CNTNAP2: variants seen among roughly 807,000 people sequenced by gnomAD.
The protein encoded by CNTNAP2 is contactin associated protein 2, also known as contactin-associated protein-like 2.
In CNTNAP2, 98 loss-of-function variants were observed where a neutral mutation model predicts 155.2. That is an observed-to-expected ratio of 0.63 (90% CI 0.54 to 0.75). CNTNAP2 has a LOEUF of 0.75. Among genes scored for constraint, CNTNAP2 ranks in the 30% least tolerant of loss-of-function variants. The probability of loss-of-function intolerance (pLI) is 0.00; values close to 1 mark genes in which losing one functional copy is unlikely to be tolerated. For synonymous variants in CNTNAP2, 651 were observed against 631.2 expected (o/e 1.03, Z -0.47); for missense variants, 1,727 against 1,688.1 (o/e 1.02, Z -0.40).
intron 3 of CNTNAP2, among the ~76,000 whole-genome samples, chr7:146,994,221 T>C (rs1444907619): frequency 6.6e-6 from 1 of 152,140 alleles, no homozygotes; most frequent in Non-Finnish European, 1.5e-5. Context: ...TTAAACAAAT[T>C]CTTTTCTAAT....
chr7:146,909,318 T>G (rs1410156318), intron 3 of CNTNAP2, among the ~76,000 whole-genome samples: 1 of 131,290 alleles, frequency 7.6e-6, no homozygotes, highest in African/African-American at 3.0e-5. Flanking sequence ...CCAGCATCAT[T>G]CTGATACCAA....
chr7:147,733,991 A>G (rs1355946215), intron 13 of CNTNAP2, among the ~76,000 whole-genome samples: 2 of 152,108 alleles, frequency 1.3e-5, no homozygotes, highest in Non-Finnish European at 2.9e-5. Flanking sequence ...TCTTTTCCTA[A>G]TTGAATGCCC....
chr7:147,133,509 A>G (rs767707426), intron 8 of CNTNAP2, among the ~76,000 whole-genome samples: 18 of 151,872 alleles, frequency 1.2e-4, no homozygotes, highest in Non-Finnish European at 2.4e-4. Context: ...CTAACACACT[A>G]TGATTTTTGT....
At chr7:147,974,866 T>A (rs1279823524) in intron 14 of CNTNAP2, among the ~76,000 whole-genome samples, 1 of 151,920 alleles carries the variant, frequency 6.6e-6, no homozygotes. Flanking sequence ...ATAAGAACAT[T>A]CATAGCAGCT....
In CNTNAP2 at chr7:147,979,244, G is replaced by A. The variant is rs557792858; in HGVS notation, c.2383+1255G>A. Reference sequence around the variant, plus strand: ...TGAGACTGGTCAAGATCTTTATCACGCACTTATTGAACAATAATACTTCAT... The same window carrying A: ...TGAGACTGGTCAAGATCTTTATCACACACTTATTGAACAATAATACTTCAT... On this transcript the variant is annotated intron_variant, in intron 15 of 23. Coordinates refer to ENST00000361727, the MANE Select transcript of CNTNAP2 (RefSeq NM_014141.6). 5.3e-5 allele frequency among the ~76,000 whole-genome samples: 8 copies of A among 152,162 alleles called. No homozygotes were observed. The South Asian group carries it at 6.2e-4, about 12-fold the overall frequency.
intron 15 of CNTNAP2, among the ~76,000 whole-genome samples, chr7:148,037,440 T>C (rs1802591599): frequency 6.6e-6 from 1 of 152,230 alleles, no homozygotes; most frequent in Admixed American, 6.5e-5. Flanking sequence ...TCTTGGTTTG[T>C]AATAAATTTT....
At chr7:148,005,863 T>G (rs1271929853) in intron 15 of CNTNAP2, among the ~76,000 whole-genome samples, 1 of 152,164 alleles carries the variant, frequency 6.6e-6, no homozygotes, top group Non-Finnish European at 1.5e-5. Context: ...TTTGATTCAG[T>G]TGCCAATATT....
intron 13 of CNTNAP2, among the ~76,000 whole-genome samples, chr7:147,877,154 G>T (rs10254338): frequency 0.05 from 7,595 of 152,182 alleles, 392 homozygotes; most frequent in East Asian, 0.16. Context: ...GTGTTGTTTG[G>T]CCATGATCAT....
chr7:147,073,989 T>A (rs116367322), intron 4 of CNTNAP2, among the ~76,000 whole-genome samples: 2 of 152,182 alleles, frequency 1.3e-5, no homozygotes, highest in African/African-American at 4.8e-5. Flanking sequence ...TTCGCTCTTT[T>A]AAACAGCCTG....
At chr7:146,965,110 T>C (rs1478448813) in intron 3 of CNTNAP2, among the ~76,000 whole-genome samples, 3 of 152,144 alleles carry the variant, frequency 2.0e-5, no homozygotes, top group Non-Finnish European at 2.9e-5. Context: ...ATAAGAGTCA[T>C]GTAAGAACGG....
intron 21 of CNTNAP2, among the ~76,000 whole-genome samples, chr7:148,281,646 TC>T (rs1378083589): frequency 6.6e-6 from 1 of 152,222 alleles, no homozygotes; most frequent in Non-Finnish European, 1.5e-5. Flanking sequence ...GGCTTCTCAT[TC>T]TTTTTTAATT....
At chr7:148,112,420 A>T (rs1804372416) in intron 15 of CNTNAP2, among the ~76,000 whole-genome samples, 1 of 139,060 alleles carries the variant, frequency 7.2e-6, no homozygotes, top group South Asian at 2.1e-4. Context: ...TTTTAGTATT[A>T]TTATTATTAT....
intron 1 of CNTNAP2, among the ~76,000 whole-genome samples, chr7:146,403,402 A>T (rs939844600): frequency 6.6e-6 from 1 of 152,138 alleles, no homozygotes; most frequent in South Asian, 2.1e-4. Flanking sequence ...TAATGTATAG[A>T]ATTTGTATAA....
At chr7:147,842,645 G>T (rs1798771188) in intron 13 of CNTNAP2, among the ~76,000 whole-genome samples, 1 of 99,780 alleles carries the variant, frequency 1.0e-5, no homozygotes, top group Non-Finnish European at 1.9e-5. Flanking sequence ...ACATTGTGCA[G>T]GTTAGTTACA....
Position 148,045,565 on chromosome 7 carries a change from C to A in CNTNAP2, c.2383+67576C>A, listed in dbSNP as rs535085813. On this transcript the variant is annotated intron_variant, in intron 15 of 23. Transcript: ENST00000361727. ...AGAAATCATGTCAAGATTCACTAAG[C>A]CCTGCATCTGCTATGAGAAAGTCCA... Among the ~76,000 whole-genome samples, 4 of 152,308 alleles carry A rather than the reference C, an allele frequency of 2.6e-5. No homozygotes were observed. In the East Asian group the frequency reaches 5.8e-4, roughly 22 times the overall value.
intron 2 of CNTNAP2, among the ~76,000 whole-genome samples, chr7:146,834,301 T>C (rs996867420): frequency 2.6e-5 from 4 of 152,244 alleles, no homozygotes; most frequent in Non-Finnish European, 4.4e-5. Context: ...TCCAGAGTAC[T>C]AGTTTCTTCA....
intron 11 of CNTNAP2, among the ~76,000 whole-genome samples, chr7:147,509,797 T>C (rs1798983121): frequency 1.3e-5 from 2 of 152,102 alleles, no homozygotes; most frequent in African/African-American, 4.8e-5. Flanking sequence ...TGGAATGTGC[T>C]CAGAGGTTTT....
chr7:147,452,127 G>C (rs1250752524), intron 10 of CNTNAP2, among the ~76,000 whole-genome samples: 1 of 152,198 alleles, frequency 6.6e-6, no homozygotes, highest in African/African-American at 2.4e-5. Flanking sequence ...ATAATGAAAT[G>C]ACATGAGTGT....
At chr7:147,272,713 T>C (rs1388306108) in intron 8 of CNTNAP2, among the ~76,000 whole-genome samples, 1 of 149,604 alleles carries the variant, frequency 6.7e-6, no homozygotes, top group Non-Finnish European at 1.5e-5. Context: ...TTCACCGTGT[T>C]AGCCAGGATG....
Sources: allele counts gnomAD v4.1 joint callset (sites outside exome capture counted in the v4.1 genomes callset), GRCh38; gene constraint gnomAD v4.1.1; transcripts MANE v1.5; gene names NCBI Gene and HGNC (gene_info 2026-07-23, HGNC 2026-07-21).